SNAPC4: variants seen among roughly 807,000 people sequenced by gnomAD.
The protein encoded by SNAPC4 is snRNA-activating protein complex subunit 4.
A neutral mutation model predicts 151.3 loss-of-function variants in SNAPC4; 127 were observed. That is an observed-to-expected ratio of 0.84 (90% CI 0.73 to 0.97). The LOEUF is 0.97. Ranked by LOEUF, SNAPC4 falls within the 50% of genes least tolerant of loss-of-function variation. SNAPC4 has a pLI of 0.00. For synonymous variants in SNAPC4, 1,002 were observed against 824.4 expected, an observed-to-expected ratio of 1.22 and a Z score of -3.69; for missense variants, 2,186 against 1,935.0, an observed-to-expected ratio of 1.13 and a Z score of -2.43.
chr9:136,380,710 T>C (rs1373061441), intron 20 of SNAPC4, 30 bp downstream of exon 20: 2 of 1,283,732 alleles, frequency 1.6e-6, no homozygotes, highest in Non-Finnish European at 2.3e-6. Flanking sequence ...GCAGTGGCCA[T>C]CCTCACTTCT....
chr9:136,384,562 T>C (rs1194207823), intron 14 of SNAPC4, among the ~76,000 whole-genome samples, 158 bp downstream of exon 14: 2 of 152,168 alleles, frequency 1.3e-5, no homozygotes, highest in East Asian at 1.9e-4. Context: ...GGCGGGAGGA[T>C]GGCTTGAGCC....
intron 2 of SNAPC4, 129 bp from the exon 3 acceptor site, chr9:136,397,152 C>A (rs1014930014): frequency 1.2e-6 from 1 of 821,576 alleles, no homozygotes; most frequent in Non-Finnish European, 2.1e-6. Flanking sequence ...CTGAGGCTGG[C>A]GGTGAGCGGA....
Position 136,394,850 on chromosome 9 carries a change from T to G in SNAPC4, c.500A>C (p.Glu167Ala), listed in dbSNP as rs1471553538. 1.2e-6 allele frequency: 2 copies of G among 1,613,898 alleles called. No homozygotes were observed. Among genetic ancestry groups the G allele is most frequent in the Non-Finnish European group, 1.7e-6 (2 of 1,179,966 alleles). ...VGPPANEDTR[E>A]KAAQGIKAFE... is the part of the protein sequence containing the mutation. ...AGCCTTGATCCCCTGGGCAGCCTTC[T>G]CTCGTGTGTCCTCGTTGGCAGGTGG... Residue 167 changes from glutamate (E) to alanine (A), a missense_variant, in exon 6 of 24, where the codon GAG (glutamate) becomes GCG (alanine). Physicochemically the swap from Glu to Ala is moderately radical, Grantham distance 107. Coordinates refer to ENST00000684778, the MANE Select transcript of SNAPC4 (RefSeq NM_003086.4).
intron 1 of SNAPC4, chr9:136,398,849 T>C: frequency 5.9e-6 from 1 of 168,550 alleles, no homozygotes; most frequent in East Asian, 1.6e-4. Context: ...CGTGACCCAC[T>C]TTGGCCATCC....
chr9:136,382,128 G>C (rs1158933328), intron 17 of SNAPC4, 55 bp from the exon 18 acceptor site: 5 of 1,563,094 alleles, frequency 3.2e-6, no homozygotes, highest in Non-Finnish European at 4.3e-6. Flanking sequence ...CCCCGGAGTG[G>C]ACCCTGCCCA....
chr9:136,397,152 C>CG lies in SNAPC4; in HGVS notation c.131-130dup, dbSNP rs894605474. 3.2e-5 allele frequency: 26 copies of CG among 821,462 alleles called. 1 individual carries two copies. The South Asian group carries it at 3.5e-4, about 11-fold the overall frequency. 50.9% of individuals were successfully genotyped at this position (821,462 alleles called of 1,614,324 possible). A position where few individuals can be genotyped will look rare whatever the true frequency, so the allele number is the denominator to read the frequency against. ...TGACAGCGCCTCAGGCTGAGGCTGG[C>CG]GGTGAGCGGACCTTCCCTCCCTGAC... is the stretch of plus-strand genomic sequence containing the variant. On this transcript the variant is annotated intron_variant, in intron 2 of 23. Transcript: ENST00000684778.
chr9:136,393,754 C>T (rs144372917), intron 7 of SNAPC4, among the ~76,000 whole-genome samples: 11 of 152,362 alleles, frequency 7.2e-5, no homozygotes, highest in African/African-American at 2.4e-4. Flanking sequence ...GCCGCCCGCC[C>T]GGCCATGGGG....
In SNAPC4 at chr9:136,376,347, A is replaced by G. The variant is rs772684929; in HGVS notation, c.*7+2T>C. ...GCAGTGGCCTCCCCACTCAGGACTC[A>G]CCTGCTGCTCACACCAGCCGCCTCC... On this transcript the variant is annotated splice_donor_variant, in intron 23 of 23. Coordinates refer to ENST00000684778, the MANE Select transcript of SNAPC4 (RefSeq NM_003086.4). LOFTEE classifies it low-confidence loss of function (3UTR_SPLICE). The G allele has an allele frequency of 6.2e-7, 1 of 1,612,848 alleles. No individual in the cohort carries two copies. Among genetic ancestry groups the G allele is most frequent in the East Asian group, 2.2e-5 (1 of 44,868 alleles).
At chr9:136,398,588 G>C (rs975044074) in intron 1 of SNAPC4, 151 bp from the exon 2 acceptor site, 15 of 827,110 alleles carry the variant, frequency 1.8e-5, no homozygotes, top group Middle Eastern at 2.7e-4. Context: ...GCCAGGCACA[G>C]AATCGGGGAA....
chr9:136,390,763 TAA>T (rs1834043106), intron 10 of SNAPC4, among the ~76,000 whole-genome samples: 1 of 150,790 alleles, frequency 6.6e-6, no homozygotes, highest in African/African-American at 2.4e-5. Context: ...AGACCCCGAT[TAA>T]AAAAAGTTAT....
In SNAPC4 at chr9:136,387,541, A is replaced by G. The variant is rs772214588; in HGVS notation, c.1269T>C (p.Asp423=). The change falls in exon 13 of 24, where the codon GAT becomes GAC. Residue 423 remains aspartate (D), a synonymous_variant. Transcript: ENST00000684778. The part of the protein sequence containing the change: ...LQAVAKYGEQ[D]WFKIREEVPG... Reference sequence around the variant, plus strand: ...GCACCTCTTCCCGGATTTTAAACCAATCCTGCTCCCCGTATTTGGCAACAG... The same window carrying G: ...GCACCTCTTCCCGGATTTTAAACCAGTCCTGCTCCCCGTATTTGGCAACAG... 5.6e-6 allele frequency: 9 copies of G among 1,613,980 alleles called. No homozygotes were observed. The South Asian group carries it at 9.9e-5, about 18-fold the overall frequency.
At chr9:136,386,649 G>A (rs1000869701) in intron 13 of SNAPC4, among the ~76,000 whole-genome samples, 1 of 151,820 alleles carries the variant, frequency 6.6e-6, no homozygotes, top group South Asian at 2.1e-4. Flanking sequence ...GGTCAGGCTG[G>A]TCTCAAACTC....
At chr9:136,381,729 C>T (rs1833699555) in intron 18 of SNAPC4, 95 bp downstream of exon 18, 1 of 1,465,146 alleles carries the variant, frequency 6.8e-7, no homozygotes, top group African/African-American at 1.4e-5. Flanking sequence ...CTGCTGAGGC[C>T]ACTTCCCCAA....
Position 136,392,526 on chromosome 9 carries a change from A to C in SNAPC4, c.806T>G (p.Ile269Ser), listed in dbSNP as rs777764618. 5 of 1,613,780 alleles carry C rather than the reference A, an allele frequency of 3.1e-6. No homozygotes were observed. Among genetic ancestry groups the C allele is most frequent in the Non-Finnish European group, 4.2e-6 (5 of 1,179,986 alleles). The change falls in exon 9 of 24, where the codon ATT becomes AGT. Residue 269 changes from isoleucine (I) to serine (S), a missense_variant. Physicochemically the swap from Ile to Ser is moderately radical, Grantham distance 142. Coordinates refer to ENST00000684778, the MANE Select transcript of SNAPC4 (RefSeq NM_003086.4). ...DSHDWEKISN[I>S]NFEGSRSAEE... Reference sequence around the variant, plus strand: ...TCAGACCTGCCCCTGACTTACGTTAATATTGGAAATCTTCTCCCAGTCGTG... The same window carrying C: ...TCAGACCTGCCCCTGACTTACGTTACTATTGGAAATCTTCTCCCAGTCGTG...
Position 136,377,952 on chromosome 9 carries a change from A to G in SNAPC4, c.3875T>C (p.Val1292Ala). The change falls in exon 22 of 24, where the codon GTG becomes GCG. Residue 1292 changes from valine to alanine, a missense_variant. By Grantham distance (64) the Val-to-Ala change is moderately conservative (BLOSUM62 0). Transcript: ENST00000684778. ...TCTGCTGCCCAGAAGAGGCACACGC[A>G]CCCCCCGCTGGCCCCCCAGCCACTG... ...TQQWLGGQRG[V>A]RVPLLGSRLP... 1 of 1,596,902 alleles carries G rather than the reference A, an allele frequency of 6.3e-7. No homozygotes were observed. The highest frequency in any genetic ancestry group is 8.5e-7 in the Non-Finnish European group (1 of 1,172,488).
At chr9:136,396,872 T>C (rs145327245) in intron 3 of SNAPC4, 105 bp downstream of exon 3, 5 of 828,660 alleles carry the variant, frequency 6.0e-6, no homozygotes, top group East Asian at 2.4e-5. Flanking sequence ...ATTTTTATAA[T>C]GCAGAAAAAC....
intron 13 of SNAPC4, 99 bp downstream of exon 13, chr9:136,387,386 G>A (rs1305360092): frequency 2.3e-5 from 20 of 867,402 alleles, no homozygotes; most frequent in Middle Eastern, 3.1e-4. Flanking sequence ...CTCGCCCAGC[G>A]CTGGCCGCTG....
intron 10 of SNAPC4, among the ~76,000 whole-genome samples, chr9:136,388,857 A>G (rs117491627): frequency 0.015 from 2,330 of 152,348 alleles, 24 homozygotes; most frequent in Non-Finnish European, 0.026. Context: ...AAAAATTCAC[A>G]ATAGGTAAAC....
Position 136,378,245 on chromosome 9 carries a change from G to T in SNAPC4, c.3582C>A (p.Asp1194Glu), listed in dbSNP as rs139300423. 1 of 1,609,846 alleles carries T rather than the reference G, an allele frequency of 6.2e-7. No individual in the cohort carries two copies. Among genetic ancestry groups the T allele is most frequent in the African/African-American group, 1.3e-5 (1 of 74,906 alleles). Reference sequence around the variant, plus strand: ...ACCAAGGGGGTTCTGCTTCAGGAGGGTCAGCGTGGGAGGACGTCCTGGGCT... The same window carrying T: ...ACCAAGGGGGTTCTGCTTCAGGAGGTTCAGCGTGGGAGGACGTCCTGGGCT... ...IPEPRTSSHADPPEAEPPWSG... is the reference protein window; with the variant it reads ...IPEPRTSSHAEPPEAEPPWSG... The change falls in exon 22 of 24, where the codon GAC becomes GAA. Residue 1194 changes from aspartate (D) to glutamate (E), a missense_variant. Asp to Glu is a conservative substitution (Grantham distance 45, BLOSUM62 2). Coordinates refer to ENST00000684778, the MANE Select transcript of SNAPC4 (RefSeq NM_003086.4).
Sources: gnomAD v4.1 joint callset for allele counts (sites outside exome capture counted in the v4.1 genomes callset) on GRCh38, gnomAD v4.1.1 for gene constraint, MANE v1.5 for transcripts, NCBI Gene and HGNC (gene_info 2026-07-23, HGNC 2026-07-21) for gene names.